Variants in RNF2 observed in about 807,000 individuals in gnomAD.
The protein encoded by RNF2 is ring finger protein 2, also known as E3 ubiquitin-protein ligase RING2.
In RNF2, 6 loss-of-function variants were observed where a neutral mutation model predicts 37.2. The ratio of observed to expected loss-of-function variants is 0.16; its 90% CI spans 0.09 to 0.32. The LOEUF (loss-of-function observed/expected upper bound fraction) is 0.32, where lower values mean the gene tolerates loss of function less well. Among genes scored for constraint, RNF2 ranks in the 10% least tolerant of loss-of-function variants. The pLI is 1.00. For missense variants in RNF2, 251 were observed against 404.0 expected, an observed-to-expected ratio of 0.62 and a Z score of 3.25; for synonymous variants, 133 against 132.7, an observed-to-expected ratio of 1.00 and a Z score of -0.02.
At chr1:185,083,712 A>G (rs1651496813) in intron 1 of RNF2, among the ~76,000 whole-genome samples, 3 of 151,190 alleles carry the variant, frequency 2.0e-5, no homozygotes, top group Non-Finnish European at 4.4e-5. Context: ...ATCTCAGCTC[A>G]CTACAACCTC....
At chr1:185,089,376 T>G (rs1023606022) in intron 2 of RNF2, among the ~76,000 whole-genome samples, 1 of 152,130 alleles carries the variant, frequency 6.6e-6, no homozygotes, top group Non-Finnish European at 1.5e-5. Flanking sequence ...CATCATGCCA[T>G]TTTTTTATAA....
At chr1:185,076,268 G>GTTGTTTTTTTTTTTTTT (rs1651152431) in intron 1 of RNF2, among the ~76,000 whole-genome samples, 1 of 27,334 alleles carries the variant, frequency 3.7e-5, no homozygotes, top group Non-Finnish European at 7.6e-5. Flanking sequence ...TTTATGGGTT[G>GTTGTTTTTTTTTTTTTT]TTTTTTTTTT....
chr1:185,099,587 A>T (rs915930436), intron 5 of RNF2, among the ~76,000 whole-genome samples: 1 of 152,164 alleles, frequency 6.6e-6, no homozygotes, highest in Non-Finnish European at 1.5e-5. Context: ...ACAGTAAGAT[A>T]TTGAGTATTT....
chr1:185,065,797 G>A (rs946980586), intron 1 of RNF2, among the ~76,000 whole-genome samples: 2 of 152,162 alleles, frequency 1.3e-5, no homozygotes, highest in Admixed American at 6.6e-5. Flanking sequence ...ATAAACTCTG[G>A]ACACAATGTC....
In RNF2 at chr1:185,093,062, A is replaced by G; in HGVS notation, c.250A>G (p.Asn84Asp). 1 of 1,613,740 alleles carries G rather than the reference A, an allele frequency of 6.2e-7. No individual in the cohort carries two copies. The highest frequency in any genetic ancestry group is 8.5e-7 in the Non-Finnish European group (1 of 1,179,770). Residue 84 changes from asparagine to aspartate, a missense_variant and splice_region_variant, in exon 4 of 7, where the codon AAC becomes GAC. Asn to Asp is a conservative substitution (Grantham distance 23). Transcript: ENST00000367510. Reference sequence around the variant, plus strand: ...TTGCTTTCCCCTCCTTTTATTTAGCAACAAAGAATGTCCTACCTGTCGGAA... The same window carrying G: ...TTGCTTTCCCCTCCTTTTATTTAGCGACAAAGAATGTCCTACCTGTCGGAA... ...DCIITALRSGNKECPTCRKKL... is the reference protein window; with the variant it reads ...DCIITALRSGDKECPTCRKKL...
chr1:185,086,008 A>G (rs1183826764), intron 1 of RNF2, among the ~76,000 whole-genome samples: 1 of 152,098 alleles, frequency 6.6e-6, no homozygotes, highest in Non-Finnish European at 1.5e-5. Flanking sequence ...TGGTGCTGTA[A>G]TTTGCTTAGA....
At chr1:185,047,344 C>T (rs1650149616) in intron 1 of RNF2, among the ~76,000 whole-genome samples, 2 of 152,194 alleles carry the variant, frequency 1.3e-5, no homozygotes, top group Non-Finnish European at 2.9e-5. Context: ...GTAGACCATG[C>T]AGACTTTCAA....
intron 5 of RNF2, among the ~76,000 whole-genome samples, chr1:185,099,111 G>T (rs539693301): frequency 1.2e-4 from 18 of 150,430 alleles, no homozygotes; most frequent in African/African-American, 4.2e-4. Context: ...GAGTACAGTG[G>T]CACAATCTTG....
At chr1:185,077,051 A>G (rs888628618) in intron 1 of RNF2, among the ~76,000 whole-genome samples, 4 of 152,146 alleles carry the variant, frequency 2.6e-5, no homozygotes, top group African/African-American at 9.7e-5. Flanking sequence ...TAAGGATTTT[A>G]TAAATTTTGT....
intron 1 of RNF2, among the ~76,000 whole-genome samples, chr1:185,077,625 G>GTTTTTTTT (rs528747420): frequency 0.019 from 2,219 of 115,380 alleles, 124 homozygotes; most frequent in African/African-American, 0.058. Flanking sequence ...AATTAACTTT[G>GTTTTTTTT]TTTTTTTTTT....
intron 6 of RNF2, 73 bp downstream of exon 6, chr1:185,100,035 G>A (rs1176830254): frequency 1.2e-5 from 17 of 1,400,396 alleles, no homozygotes; most frequent in Admixed American, 2.1e-5. Context: ...AAGTGGTGGG[G>A]TAGAATCTAA....
At chr1:185,051,670 G>T (rs1650275306) in intron 1 of RNF2, among the ~76,000 whole-genome samples, 1 of 150,474 alleles carries the variant, frequency 6.6e-6, no homozygotes, top group Non-Finnish European at 1.5e-5. Context: ...AGTTGTGGAT[G>T]TCCTATAACC....
Position 185,045,561 on chromosome 1 carries a change from T to G in RNF2, c.-91T>G. The G allele has an allele frequency of 6.6e-6, 1 of 152,330 alleles. No homozygotes were observed. The highest frequency in any genetic ancestry group is 2.0e-4 in the East Asian group (1 of 5,126). The allele number at this position is 152,330 out of a possible 1,614,324, so 9.4% of individuals were successfully genotyped here. ...ATTGCGGAAGCTGAGGCTCGCCATA[T>G]TGTGCGGCGGCGCCGGCGTCCGCGG... On this transcript the variant is annotated 5_prime_UTR_variant, in exon 1 of 7. Coordinates refer to ENST00000367510, the MANE Select transcript of RNF2 (RefSeq NM_007212.4).
At chr1:185,097,353 A>G (rs1651941593) in intron 4 of RNF2, among the ~76,000 whole-genome samples, 2 of 152,194 alleles carry the variant, frequency 1.3e-5, no homozygotes, top group African/African-American at 4.8e-5. Flanking sequence ...GGGAGGAAGT[A>G]CTTACTATTC....
At chr1:185,059,608 G>A (rs1650541536) in intron 1 of RNF2, among the ~76,000 whole-genome samples, 1 of 152,068 alleles carries the variant, frequency 6.6e-6, no homozygotes, top group Non-Finnish European at 1.5e-5. Context: ...CATGTTAATG[G>A]CATTATTGTT....
intron 1 of RNF2, among the ~76,000 whole-genome samples, chr1:185,084,913 G>A (rs779477826): frequency 1.3e-5 from 2 of 152,084 alleles, no homozygotes; most frequent in African/African-American, 2.4e-5. Context: ...TCTGTTAACC[G>A]TTAGCTCCAG....
At chr1:185,081,753 C>T (rs1311436341) in intron 1 of RNF2, among the ~76,000 whole-genome samples, 1 of 152,078 alleles carries the variant, frequency 6.6e-6, no homozygotes, top group Non-Finnish European at 1.5e-5. Context: ...TGCATTTGAG[C>T]ATTGTTGTGG....
chr1:185,077,721 T>G (rs1424238040), intron 1 of RNF2, among the ~76,000 whole-genome samples: 1 of 151,788 alleles, frequency 6.6e-6, no homozygotes, highest in Admixed American at 6.6e-5. Context: ...TTTTGTTTTT[T>G]TTTTTTGGGC....
At chr1:185,081,331 A>G (rs186290213) in intron 1 of RNF2, among the ~76,000 whole-genome samples, 4 of 151,892 alleles carry the variant, frequency 2.6e-5, no homozygotes, top group African/African-American at 7.2e-5. Flanking sequence ...AAGAAGTGGT[A>G]GTTGGTTGGC....
Sources: gnomAD v4.1 joint callset for allele counts (sites outside exome capture counted in the v4.1 genomes callset) on GRCh38, gnomAD v4.1.1 for gene constraint, MANE v1.5 for transcripts, NCBI Gene and HGNC (gene_info 2026-07-23, HGNC 2026-07-21) for gene names.